ZNF705A: variants seen among roughly 807,000 people sequenced by gnomAD.
The protein encoded by ZNF705A is zinc finger protein 705A.
In ZNF705A, 8 loss-of-function variants were observed where a neutral mutation model predicts 16.6. That is an observed-to-expected ratio of 0.48 (90% CI 0.28 to 0.87). The LOEUF (loss-of-function observed/expected upper bound fraction) is 0.87. Among genes scored for constraint, ZNF705A ranks in the 40% least tolerant of loss-of-function variants. ZNF705A has a pLI of 0.10. For missense variants in ZNF705A, 233 were observed against 359.9 expected, an observed-to-expected ratio of 0.65 and a Z score of 2.85; for synonymous variants, 73 against 117.3, an observed-to-expected ratio of 0.62 and a Z score of 2.44.
chr12:8,170,571 T>G (rs1435494895), upstream of ZNF705A, among the ~76,000 whole-genome samples: 7 of 152,202 alleles, frequency 4.6e-5, no homozygotes, highest in African/African-American at 1.7e-4. Context: ...TGGGTTATAA[T>G]TACACACAAA....
chr12:8,171,250 T>C (rs1373454114), upstream of ZNF705A, among the ~76,000 whole-genome samples: 2 of 152,232 alleles, frequency 1.3e-5, no homozygotes, highest in African/African-American at 4.8e-5. Context: ...AAATTTTTTG[T>C]TTATGACACA....
chr12:8,174,035 T>G (rs13378064), intron 1 of ZNF705A, among the ~76,000 whole-genome samples: 1,526 of 152,358 alleles, frequency 0.01, 34 homozygotes, highest in African/African-American at 0.035. Context: ...GAAAATTTTA[T>G]AATCAGTTAT....
chr12:8,157,601 T>A (rs1275842798), intron 1 of ZNF705A, among the ~76,000 whole-genome samples: 1 of 152,168 alleles, frequency 6.6e-6, no homozygotes, highest in Non-Finnish European at 1.5e-5. Context: ...GTTGGACTTG[T>A]TAATGGAAAT....
At chr12:8,165,330 T>TG (rs1322857091) in intron 1 of ZNF705A, among the ~76,000 whole-genome samples, 1 of 141,458 alleles carries the variant, frequency 7.1e-6, no homozygotes, top group African/African-American at 2.7e-5. Context: ...TCACCCAGGC[T>TG]GGAGTGCAGT....
chr12:8,177,120 A>T, exon 5 of ZNF705A: 1 of 1,612,006 alleles, frequency 6.2e-7, no homozygotes, highest in Non-Finnish European at 8.5e-7. Flanking sequence ...TATGTCAGCA[A>T]ACAGTGTGGA....
chr12:8,160,016 G>A (rs756439987), intron 1 of ZNF705A, among the ~76,000 whole-genome samples: 1 of 152,162 alleles, frequency 6.6e-6, no homozygotes, highest in African/African-American at 2.4e-5. Context: ...TGAAAGATGG[G>A]GATCTAGTTT....
At chr12:8,170,497 ATTTGTCCCTT>A (rs2120717139), upstream of ZNF705A, among the ~76,000 whole-genome samples, 1 of 151,920 alleles carries the variant, frequency 6.6e-6, no homozygotes, top group Admixed American at 6.6e-5. Flanking sequence ...TTCTTATAAT[ATTTGTCCCTT>A]TTTGTCCCTG....
exon 5 of ZNF705A, chr12:8,177,708 T>A: frequency 3.5e-6 from 5 of 1,413,158 alleles, no homozygotes; most frequent in Non-Finnish European, 4.8e-6. Flanking sequence ...ATAAACTTCT[T>A]CAGAACATAT....
At chr12:8,172,144 G>T (rs1948450981), upstream of ZNF705A, among the ~76,000 whole-genome samples, 3 of 151,838 alleles carry the variant, frequency 2.0e-5, no homozygotes, top group Admixed American at 1.3e-4. Context: ...TGTGGTGGGT[G>T]TTGGAGAAAC....
rs117327600 is a variant in ZNF705A, at chr12:8,160,643, A to G, written c.-72+3551A>G. ...TTCTCCACTTGGTTGCTGTTGGTGTATAGAAGAGCTACTGATTTTTGTACC... is the reference window on the plus strand; with the variant it reads ...TTCTCCACTTGGTTGCTGTTGGTGTGTAGAAGAGCTACTGATTTTTGTACC... On this transcript the variant is annotated intron_variant, in intron 1 of 5. Transcript: ENST00000396570. Among the ~76,000 whole-genome samples the G allele has an allele frequency of 3.7e-3, 553 of 149,990 alleles. 3 individuals are homozygous for G. Among genetic ancestry groups the G allele is most frequent in the Admixed American group, 7.8e-3 (117 of 14,980 alleles).
exon 4 of ZNF705A, chr12:8,175,896 C>T (rs1455205203): frequency 6.2e-7 from 1 of 1,611,354 alleles, no homozygotes; most frequent in African/African-American, 1.3e-5. Context: ...CACATGATAT[C>T]CATGCATCCT....
upstream of ZNF705A, chr12:8,157,020 G>A (rs1246208132): frequency 1.5e-5 from 6 of 397,816 alleles, no homozygotes; most frequent in East Asian, 7.1e-5. Context: ...CCAGTGACTC[G>A]TCAAAAATCT....
At chr12:8,165,650 T>C (rs975433583) in intron 1 of ZNF705A, among the ~76,000 whole-genome samples, 1 of 151,988 alleles carries the variant, frequency 6.6e-6, no homozygotes, top group African/African-American at 2.4e-5. Context: ...ACCCAATAGA[T>C]AGTTTTTCAG....
chr12:8,176,036 G>A, intron 4 of ZNF705A, 94 bp downstream of exon 5: 3 of 1,575,926 alleles, frequency 1.9e-6, no homozygotes, highest in South Asian at 1.2e-5. Flanking sequence ...AGTGTAATTA[G>A]GCTGGCATTA....
At chr12:8,174,090 A>G (rs1265368441) in intron 1 of ZNF705A, among the ~76,000 whole-genome samples, 1 of 152,210 alleles carries the variant, frequency 6.6e-6, no homozygotes, top group Non-Finnish European at 1.5e-5. Flanking sequence ...GGGTTATATT[A>G]TGCCACACCT....
chr12:8,166,925 C>G lies in ZNF705A; in HGVS notation c.-71-5630C>G, dbSNP rs952453738. Among the ~76,000 whole-genome samples, 9 of 151,236 alleles carry G rather than the reference C, an allele frequency of 6.0e-5. 1 individual carries two copies. The highest frequency in any genetic ancestry group is 2.4e-5 in the African/African-American group (1 of 41,348). ...CTCTGAAATGTCTTTGAGGCCCTTT[C>G]TTCATTGTCTTCTATTAGCATTTGC... On this transcript the variant is annotated intron_variant, in intron 1 of 5. Coordinates refer to the ZNF705A transcript ENST00000396570.
intron 1 of ZNF705A, among the ~76,000 whole-genome samples, chr12:8,157,465 C>T (rs74060103): frequency 0.04 from 6,078 of 152,158 alleles, 296 homozygotes; most frequent in African/African-American, 0.11. Flanking sequence ...CTCTCACTTC[C>T]TTGAGAAAAG....
chr12:8,172,084 C>T (rs1466451394), upstream of ZNF705A, among the ~76,000 whole-genome samples: 2 of 151,758 alleles, frequency 1.3e-5, no homozygotes, highest in Admixed American at 6.6e-5. Context: ...AGGGGAAATA[C>T]AAAAGTCAGA....
intron 1 of ZNF705A, among the ~76,000 whole-genome samples, chr12:8,172,982 C>G (rs1024682227): frequency 2.0e-5 from 3 of 152,198 alleles, no homozygotes; most frequent in African/African-American, 7.2e-5. Context: ...TTTCTTCTAT[C>G]CATCCTATAA....
Sources: allele counts gnomAD v4.1 joint callset (sites outside exome capture counted in the v4.1 genomes callset), GRCh38; gene constraint gnomAD v4.1.1; transcripts MANE v1.5; gene names NCBI Gene and HGNC (gene_info 2026-07-23, HGNC 2026-07-21).